PHACTR2: variants seen among roughly 807,000 people sequenced by gnomAD.
PHACTR2 encodes chromosome 6 open reading frame 56.
In PHACTR2, 30 loss-of-function variants were observed where a neutral mutation model predicts 76.0. The ratio of observed to expected loss-of-function variants is 0.39; its 90% CI spans 0.30 to 0.54. PHACTR2 has a LOEUF of 0.54. Ranked by LOEUF, PHACTR2 falls within the 20% of genes least tolerant of loss-of-function variation. PHACTR2 has a pLI of 0.61. For synonymous variants in PHACTR2, 292 were observed against 292.5 expected (o/e 1.00, Z 0.02); for missense variants, 696 against 781.1 (o/e 0.89, Z 1.30).
chr6:143,567,304 T>C (rs961992761), intron 1 of PHACTR2, among the ~76,000 whole-genome samples: 2 of 152,220 alleles, frequency 1.3e-5, no homozygotes, highest in East Asian at 1.9e-4. Flanking sequence ...CGTTCTCTCA[T>C]TTAGAGAGAA....
chr6:143,538,702 T>A (rs1022395849), intron 1 of PHACTR2, among the ~76,000 whole-genome samples: 2 of 152,248 alleles, frequency 1.3e-5, no homozygotes, highest in African/African-American at 2.4e-5. Context: ...TTCAGCTGGC[T>A]AACTCTCTCA....
Position 143,710,560 on chromosome 6 carries a change from G to A in PHACTR2, c.47-1456G>A, listed in dbSNP as rs932578528. Among the ~76,000 whole-genome samples the A allele has an allele frequency of 7.2e-5, 11 of 152,172 alleles. No individual in the cohort carries two copies. The highest frequency in any genetic ancestry group is 2.7e-4 in the African/African-American group (11 of 41,436). ...ATACAAAAATTAGCCAGGCCTGGTG[G>A]CATGTGCCTGTAGTCAGTCCCAGCT... On this transcript the variant is annotated intron_variant, in intron 1 of 12. Coordinates refer to ENST00000440869, the MANE Select transcript of PHACTR2 (RefSeq NM_001100164.2). This position sits in a 1 kb window ranked among gnomAD's most constrained non-coding sequence, Gnocchi z 4.9.
At position 143,754,344 on chromosome 6, in the gene PHACTR2, G is replaced by A. The variant is rs778562457; in HGVS notation, c.454+432G>A. Among the ~76,000 whole-genome samples, 12 of 152,166 alleles carry A rather than the reference G, an allele frequency of 7.9e-5. No individual in the cohort carries two copies. Among genetic ancestry groups the A allele is most frequent in the Non-Finnish European group, 1.0e-4 (7 of 68,042 alleles). The stretch of plus-strand genomic sequence containing the variant: ...CACATGGCTTGTTCAGCCCAGCACT[G>A]TCTCCAGCAGTGGGAACTTGGCAGG... On this transcript the variant is annotated intron_variant, in intron 4 of 12. Transcript: ENST00000440869. This position sits in a 1 kb window ranked among gnomAD's most constrained non-coding sequence, Gnocchi z 6.2.
At position 143,578,230 on chromosome 6, in the gene PHACTR2, C is replaced by G. The variant is rs773951037; in HGVS notation, c.217+41023C>G. 2.0e-5 allele frequency among the ~76,000 whole-genome samples: 3 copies of G among 152,164 alleles called. No homozygotes were observed. Among genetic ancestry groups the G allele is most frequent in the Non-Finnish European group, 4.4e-5 (3 of 68,038 alleles). On this transcript the variant is annotated intron_variant, in intron 1 of 11. Coordinates refer to the PHACTR2 transcript ENST00000367584. The surrounding 1 kb of genome is among the most constrained non-coding windows in gnomAD (Gnocchi z 4.5). Reference sequence around the variant, plus strand: ...GTCCCCAGACCTCCATCCTCACGGTCCAGGATGGGGAAGTCATAGCCAGAT... The same window carrying G: ...GTCCCCAGACCTCCATCCTCACGGTGCAGGATGGGGAAGTCATAGCCAGAT...
Position 143,652,142 on chromosome 6 carries a change from G to T in PHACTR2, c.13+43820G>T, listed in dbSNP as rs1490446292. On this transcript the variant is annotated intron_variant, in intron 1 of 11. Transcript: ENST00000305766. This position sits in a 1 kb window ranked among gnomAD's most constrained non-coding sequence, Gnocchi z 4.5. ...AAATGATGGCGGTGATGGGGGAACCGTTTACTAGGTACAACCACAAGATAT... is the reference window on the plus strand; with the variant it reads ...AAATGATGGCGGTGATGGGGGAACCTTTTACTAGGTACAACCACAAGATAT... 2.0e-5 allele frequency among the ~76,000 whole-genome samples: 3 copies of T among 151,118 alleles called. No individual in the cohort carries two copies. Among genetic ancestry groups the T allele is most frequent in the Non-Finnish European group, 4.4e-5 (3 of 67,882 alleles).
chr6:143,573,576 CTT>C (rs112507286), intron 1 of PHACTR2, among the ~76,000 whole-genome samples: 1 of 149,980 alleles, frequency 6.7e-6, no homozygotes, highest in East Asian at 2.0e-4. Flanking sequence ...TCTTTCCCTC[CTT>C]TTTTTTTTTT....
Position 143,775,026 on chromosome 6 carries a change from G to A in PHACTR2, c.1589+811G>A, listed in dbSNP as rs1375764328. Among the ~76,000 whole-genome samples the A allele has an allele frequency of 6.6e-6, 1 of 152,198 alleles. No individual in the cohort carries two copies. Among genetic ancestry groups the A allele is most frequent in the Non-Finnish European group, 1.5e-5 (1 of 68,036 alleles). On this transcript the variant is annotated intron_variant, in intron 8 of 12. Transcript: ENST00000440869. This position sits in a 1 kb window ranked among gnomAD's most constrained non-coding sequence, Gnocchi z 4.4. ...CAACAGGGTGCATAACTGGGAGAAA[G>A]GAACTGTCTAGAATCCCAGAGCAGG...
At position 143,780,852 on chromosome 6, in the gene PHACTR2, G is replaced by T. The variant is rs536110267; in HGVS notation, c.1646-2367G>T. ...CTGTTTAAATTGACCAGAAAGATTT[G>T]CATCCTACTTTATAATTAGTCCTCT... On this transcript the variant is annotated intron_variant, in intron 9 of 12. Transcript: ENST00000440869. The surrounding 1 kb of genome is among the most constrained non-coding windows in gnomAD (Gnocchi z 4.4). Among the ~76,000 whole-genome samples, 1 of 152,244 alleles carries T rather than the reference G, an allele frequency of 6.6e-6. No individual in the cohort carries two copies. Among genetic ancestry groups the T allele is most frequent in the Admixed American group, 6.5e-5 (1 of 15,272 alleles).
At chr6:143,715,916 T>G (rs1246456814) in intron 2 of PHACTR2, among the ~76,000 whole-genome samples, 1 of 152,236 alleles carries the variant, frequency 6.6e-6, no homozygotes, top group Non-Finnish European at 1.5e-5. Flanking sequence ...TGTCAATTCC[T>G]GTTGTCTAGT....
At chr6:143,638,675 GA>G (rs1776511771) in intron 1 of PHACTR2, among the ~76,000 whole-genome samples, 1 of 151,520 alleles carries the variant, frequency 6.6e-6, no homozygotes, top group Non-Finnish European at 1.5e-5. Context: ...ATTTGCTTAA[GA>G]AAAAATGCTA....
intron 11 of PHACTR2, among the ~76,000 whole-genome samples, chr6:143,802,935 C>G (rs1775990420): frequency 6.6e-6 from 1 of 151,968 alleles, no homozygotes; most frequent in Non-Finnish European, 1.5e-5. Context: ...ATATTTTTTT[C>G]AAACAACTAG....
chr6:143,803,506 C>T lies in PHACTR2; in HGVS notation c.1846-3551C>T, dbSNP rs965161775. Among the ~76,000 whole-genome samples, 1 of 152,098 alleles carries T rather than the reference C, an allele frequency of 6.6e-6. No homozygotes were observed. Among genetic ancestry groups the T allele is most frequent in the Non-Finnish European group, 1.5e-5 (1 of 68,012 alleles). On this transcript the variant is annotated intron_variant, in intron 11 of 12. Transcript: ENST00000440869. The surrounding 1 kb of genome is among the most constrained non-coding windows in gnomAD (Gnocchi z 4.7). Reference sequence around the variant, plus strand: ...GAGGTTGCAGTGAGCTGAGATCACGCCACTGCACTCCAACCTGAATGACAC... The same window carrying T: ...GAGGTTGCAGTGAGCTGAGATCACGTCACTGCACTCCAACCTGAATGACAC...
rs532881037 is a variant in PHACTR2 at position 143,679,679 on chromosome 6, G to A, written c.46+1470G>A. On this transcript the variant is annotated intron_variant, in intron 1 of 12. Transcript: ENST00000440869. The surrounding 1 kb of genome is among the most constrained non-coding windows in gnomAD (Gnocchi z 4.6). Reference sequence around the variant, plus strand: ...AGTGAATATTAGAAAAGCAAATTTTGCCTTAATAAAAATCAAGGAATATTA... The same window carrying A: ...AGTGAATATTAGAAAAGCAAATTTTACCTTAATAAAAATCAAGGAATATTA... 1.3e-3 allele frequency among the ~76,000 whole-genome samples: 198 copies of A among 152,146 alleles called. No individual in the cohort carries two copies. Among genetic ancestry groups the A allele is most frequent in the African/African-American group, 4.4e-3 (184 of 41,512 alleles).
At position 143,582,829 on chromosome 6, in the gene PHACTR2, G is replaced by A. The variant is rs186129941; in HGVS notation, c.217+45622G>A. The stretch of plus-strand genomic sequence containing the variant: ...TAGCATTCTGTTTAAGTAGGTACGT[G>A]ATGTATTTGGCAGCAGAAAAAGGGC... On this transcript the variant is annotated intron_variant, in intron 1 of 11. Coordinates refer to the PHACTR2 transcript ENST00000367584. 2.6e-5 allele frequency among the ~76,000 whole-genome samples: 4 copies of A among 152,284 alleles called. No homozygotes were observed. The East Asian group carries it at 7.7e-4, about 29-fold the overall frequency.
intron 1 of PHACTR2, among the ~76,000 whole-genome samples, chr6:143,651,049 T>A (rs559377324): frequency 3.6e-4 from 55 of 152,076 alleles, no homozygotes; most frequent in South Asian, 3.1e-3. Context: ...ACACTTTTTT[T>A]AAAAAAGATA....
At position 143,712,013 on chromosome 6, in the gene PHACTR2, C is replaced by A; in HGVS notation, c.47-3C>A. ...TTCTCTGTCTATATCTTTCTTTATA[C>A]AGTTGACGGACTGGACAAAGCTTCT... is the stretch of plus-strand genomic sequence containing the variant. On this transcript the variant is annotated splice_region_variant and splice_polypyrimidine_tract_variant and intron_variant, in intron 1 of 12. Coordinates refer to ENST00000440869, the MANE Select transcript of PHACTR2 (RefSeq NM_001100164.2). 6.3e-7 allele frequency: 1 copy of A among 1,597,718 alleles called. No individual in the cohort carries two copies. The highest frequency in any genetic ancestry group is 1.7e-5 in the Admixed American group (1 of 57,654).
At chr6:143,717,720 A>G (rs983922907) in intron 2 of PHACTR2, among the ~76,000 whole-genome samples, 2 of 151,978 alleles carry the variant, frequency 1.3e-5, no homozygotes, top group African/African-American at 2.4e-5. Context: ...CTACAGGCAC[A>G]CACCACCACA....
rs1406320407 is a variant in PHACTR2, at chr6:143,591,704, C to CA, written c.217+54498dup. ...GCGATAGATGACGATCCCAATGCTG[C>CA]ACTGACATGTGGGCATAAGGGGCCT... is the stretch of plus-strand genomic sequence containing the variant. On this transcript the variant is annotated intron_variant, in intron 1 of 11. Coordinates refer to the PHACTR2 transcript ENST00000367584. The surrounding 1 kb of genome is among the most constrained non-coding windows in gnomAD (Gnocchi z 6.4). Among the ~76,000 whole-genome samples the CA allele has an allele frequency of 6.6e-6, 1 of 152,240 alleles. No individual in the cohort carries two copies. The highest frequency in any genetic ancestry group is 1.5e-5 in the Non-Finnish European group (1 of 68,046).
Position 143,689,746 on chromosome 6 carries a change from G to A in PHACTR2, c.46+11537G>A, listed in dbSNP as rs1297735299. The stretch of plus-strand genomic sequence containing the variant: ...GTCGCTCTGTTGCCCAGGCTGGAGT[G>A]CAGTGGCCTGATTTCAGCTCACTGC... On this transcript the variant is annotated intron_variant, in intron 1 of 12. Coordinates refer to ENST00000440869, the MANE Select transcript of PHACTR2 (RefSeq NM_001100164.2). This position sits in a 1 kb window ranked among gnomAD's most constrained non-coding sequence, Gnocchi z 4.4. 2.7e-5 allele frequency among the ~76,000 whole-genome samples: 4 copies of A among 148,902 alleles called. No individual in the cohort carries two copies. Among genetic ancestry groups the A allele is most frequent in the East Asian group, 4.0e-4 (2 of 5,050 alleles).
Sources: gnomAD v4.1 joint callset for allele counts (sites outside exome capture counted in the v4.1 genomes callset) on GRCh38, gnomAD v4.1.1 for gene constraint, Gnocchi (gnomAD v3.1) non-coding constraint, MANE v1.5 for transcripts, NCBI Gene and HGNC (gene_info 2026-07-23, HGNC 2026-07-21) for gene names.